The following KIAA1217 variants were observed in gnomAD, a reference collection of about 807,000 sequenced individuals.
KIAA1217 encodes sickle tail protein homolog.
A neutral mutation model predicts 163.9 loss-of-function variants in KIAA1217; 88 were observed. That is an observed-to-expected ratio of 0.54 (90% CI 0.45 to 0.64). The LOEUF is 0.64. KIAA1217 is among the 30% of genes least tolerant of loss of function. The pLI, the probability that KIAA1217 is intolerant of heterozygous loss-of-function variation, is 0.00. For missense variants in KIAA1217, 2,372 were observed against 2,475.0 expected, an observed-to-expected ratio of 0.96 and a Z score of 0.88; for synonymous variants, 903 against 923.1, an observed-to-expected ratio of 0.98 and a Z score of 0.39.
chr10:24,169,123 G>A (rs1367032000), intron 2 of KIAA1217, among the ~76,000 whole-genome samples: 1 of 152,356 alleles, frequency 6.6e-6, no homozygotes, highest in South Asian at 2.1e-4. Flanking sequence ...TCTTCAACAT[G>A]TCAAATGTTT....
chr10:24,448,343 CTG>C (rs1342485282), intron 5 of KIAA1217, among the ~76,000 whole-genome samples: 8 of 152,010 alleles, frequency 5.3e-5, no homozygotes, highest in African/African-American at 1.9e-4. Context: ...TCTGATTTTG[CTG>C]TGTTTATAAT....
chr10:24,519,977 C>A (rs918017138), intron 10 of KIAA1217, 146 bp from the exon 11 acceptor site: 28 of 854,046 alleles, frequency 3.3e-5, no homozygotes, highest in Non-Finnish European at 4.4e-5. Context: ...GATGAGCGAC[C>A]CCCCTCCACC....
At position 23,984,926 on chromosome 10, in the gene KIAA1217, TA is replaced by T. The variant is rs77713730; in HGVS notation, c.-320-22287del. On this transcript the variant is annotated intron_variant, in intron 1 of 18. Coordinates refer to the KIAA1217 transcript ENST00000376462. Reference sequence around the variant, plus strand: ...ACATGTATCCCAGAACTTAAAGTATTAAAAAAAAAAAAGCCTTGAATGTTTT... The same window carrying T: ...ACATGTATCCCAGAACTTAAAGTATTAAAAAAAAAAAGCCTTGAATGTTTT... Among the ~76,000 whole-genome samples, 310 of 141,564 alleles carry T rather than the reference TA, an allele frequency of 2.2e-3. 1 individual carries two copies. Among genetic ancestry groups the T allele is most frequent in the East Asian group, 5.5e-3 (27 of 4,908 alleles). The allele number at this position is 141,564 out of a possible 152,430, so 92.9% of individuals were successfully genotyped here.
At chr10:24,472,266 C>T (rs2063604999) in intron 5 of KIAA1217, among the ~76,000 whole-genome samples, 1 of 152,146 alleles carries the variant, frequency 6.6e-6, no homozygotes, top group African/African-American at 2.4e-5. Flanking sequence ...CTGCACAGTT[C>T]AAAGCTGTGT....
At chr10:23,903,000 G>A (rs1842014711) in intron 1 of KIAA1217, among the ~76,000 whole-genome samples, 1 of 152,048 alleles carries the variant, frequency 6.6e-6, no homozygotes, top group Non-Finnish European at 1.5e-5. Context: ...GGAAATGGGA[G>A]CCAATTTCAG....
chr10:24,018,462 G>A (rs1847585650), intron 2 of KIAA1217, among the ~76,000 whole-genome samples: 1 of 151,986 alleles, frequency 6.6e-6, no homozygotes, highest in African/African-American at 2.4e-5. Flanking sequence ...AATGCTAAAT[G>A]ATGAGTTAAT....
At chr10:23,920,531 C>T (rs1368967492) in intron 1 of KIAA1217, among the ~76,000 whole-genome samples, 1 of 152,148 alleles carries the variant, frequency 6.6e-6, no homozygotes, top group African/African-American at 2.4e-5. Context: ...TAGACTTGGC[C>T]TTAGAATGAT....
At chr10:24,445,190 G>A (rs2060820007) in intron 5 of KIAA1217, among the ~76,000 whole-genome samples, 1 of 152,208 alleles carries the variant, frequency 6.6e-6, no homozygotes, top group South Asian at 2.1e-4. Context: ...TGAAGCCAAA[G>A]AGGTCTTTCC....
intron 2 of KIAA1217, among the ~76,000 whole-genome samples, chr10:24,064,766 G>A (rs2060871818): frequency 1.3e-5 from 2 of 152,248 alleles, no homozygotes; most frequent in Middle Eastern, 3.4e-3. Context: ...GAATCCATCT[G>A]GTCCTGGACT....
intron 1 of KIAA1217, among the ~76,000 whole-genome samples, chr10:23,756,016 G>T (rs954334857): frequency 6.6e-6 from 1 of 152,038 alleles, no homozygotes; most frequent in Non-Finnish European, 1.5e-5. Flanking sequence ...TAATGCAGCA[G>T]TGTGATCATA....
intron 1 of KIAA1217, among the ~76,000 whole-genome samples, chr10:23,757,499 G>A (rs964376890): frequency 6.6e-5 from 10 of 151,960 alleles, no homozygotes. Flanking sequence ...ACAATGTTAA[G>A]CATCTTTTCT....
intron 2 of KIAA1217, among the ~76,000 whole-genome samples, chr10:24,175,443 A>ATGTG (rs137918207): frequency 0.041 from 6,082 of 149,964 alleles, 292 homozygotes; most frequent in African/African-American, 0.11. Context: ...GTGTATATAT[A>ATGTG]TGTGTGTGTG....
At chr10:24,006,113 C>A (rs1846985660) in intron 1 of KIAA1217, among the ~76,000 whole-genome samples, 2 of 152,152 alleles carry the variant, frequency 1.3e-5, no homozygotes, top group Admixed American at 1.3e-4. Context: ...TGACAATATT[C>A]ATAACTATTG....
rs1564441281 is a variant in KIAA1217, at chr10:23,810,582, A to ATATATAGTATAATCTATATATAG, written c.-321+115354_-321+115355insGTATAATCTATATATAGTATATA. 2.5e-4 allele frequency among the ~76,000 whole-genome samples: 31 copies of ATATATAGTATAATCTATATATAG among 125,990 alleles called. 1 individual carries two copies. Among genetic ancestry groups the ATATATAGTATAATCTATATATAG allele is most frequent in the African/African-American group, 9.1e-4 (30 of 32,956 alleles). The allele number at this position is 125,990 out of a possible 152,430, so 82.7% of individuals were successfully genotyped here. A position where few individuals can be genotyped will look rare whatever the true frequency, so the allele number is the denominator to read the frequency against. Reference sequence around the variant, plus strand: ...GTATATATAGTATAATCTATATATAATATATATAGTGTGTATATATAAATT... The same window carrying ATATATAGTATAATCTATATATAG: ...GTATATATAGTATAATCTATATATAATATATAGTATAATCTATATATAGTATATATAGTGTGTATATATAAATT... On this transcript the variant is annotated intron_variant, in intron 1 of 18. Coordinates refer to the KIAA1217 transcript ENST00000376462.
intron 2 of KIAA1217, among the ~76,000 whole-genome samples, chr10:24,107,016 T>C (rs1261933643): frequency 6.6e-6 from 1 of 152,178 alleles, no homozygotes; most frequent in Non-Finnish European, 1.5e-5. Flanking sequence ...AAGTAGTTTT[T>C]CAATCCTCAC....
At chr10:23,861,473 A>T (rs1163018101) in intron 1 of KIAA1217, among the ~76,000 whole-genome samples, 1 of 152,180 alleles carries the variant, frequency 6.6e-6, no homozygotes, top group Non-Finnish European at 1.5e-5. Context: ...AGGACTTTGC[A>T]GATGTAATTA....
intron 2 of KIAA1217, among the ~76,000 whole-genome samples, chr10:24,316,496 C>T (rs1270220861): frequency 6.6e-6 from 1 of 152,162 alleles, no homozygotes; most frequent in Non-Finnish European, 1.5e-5. Flanking sequence ...GCCCCTGAAC[C>T]TATTTTGCAT....
chr10:24,307,612 C>CAA (rs138090288), intron 2 of KIAA1217, among the ~76,000 whole-genome samples: 1 of 117,798 alleles, frequency 8.5e-6, no homozygotes, highest in Non-Finnish European at 1.9e-5. Flanking sequence ...CCCATCTCTC[C>CAA]AAAAAAAAAA....
intron 1 of KIAA1217, among the ~76,000 whole-genome samples, chr10:23,942,678 T>A (rs1425673449): frequency 6.9e-6 from 1 of 145,428 alleles, no homozygotes; most frequent in Admixed American, 6.9e-5. Flanking sequence ...GATTGCTAGA[T>A]GTCAAACACA....
Sources: gnomAD v4.1 joint callset for allele counts (sites outside exome capture counted in the v4.1 genomes callset) on GRCh38, gnomAD v4.1.1 for gene constraint, MANE v1.5 for transcripts, NCBI Gene and HGNC (gene_info 2026-07-23, HGNC 2026-07-21) for gene names.